The following TEX14 variants were observed in gnomAD, a reference collection of about 807,000 sequenced individuals.
TEX14 encodes the protein testis expressed 14, intercellular bridge forming factor.
In TEX14, 168 loss-of-function variants were observed where a neutral mutation model predicts 178.6. That is an observed-to-expected ratio of 0.94 (90% CI 0.83 to 1.07). The LOEUF (loss-of-function observed/expected upper bound fraction) is 1.07, where lower values mean the gene tolerates loss of function less well. Ranked by LOEUF, TEX14 falls within the 50% of genes least tolerant of loss-of-function variation. The pLI, the probability that TEX14 is intolerant of heterozygous loss-of-function variation, is 0.00. For missense variants in TEX14, 1,730 were observed against 1,753.6 expected (o/e 0.99, Z 0.24); for synonymous variants, 626 against 634.1 (o/e 0.99, Z 0.19).
At chr17:58,617,735 T>C (rs1012366536) in intron 5 of TEX14, 116 bp from the exon 6 acceptor site, 2 of 669,578 alleles carry the variant, frequency 3.0e-6, no homozygotes, top group Admixed American at 2.8e-5. Flanking sequence ...TGCTAGACTT[T>C]CTGTTACAAA....
intron 6 of TEX14, among the ~76,000 whole-genome samples, chr17:58,616,988 C>T (rs1176606527): frequency 2.0e-5 from 3 of 151,744 alleles, no homozygotes; most frequent in Admixed American, 6.6e-5. Context: ...AGTTGGCTCA[C>T]GCCTGTAATC....
At chr17:58,659,310 T>C (rs1026680444) in intron 1 of TEX14, 9 of 976,190 alleles carry the variant, frequency 9.2e-6, no homozygotes, top group Admixed American at 6.2e-5. Context: ...AGACATTATT[T>C]ACTTAATATT....
chr17:58,614,995 G>GGCTGACA (rs1046098129), intron 8 of TEX14, among the ~76,000 whole-genome samples: 1 of 152,222 alleles, frequency 6.6e-6, no homozygotes, highest in African/African-American at 2.4e-5. Context: ...GTTACAGGGC[G>GGCTGACA]GCTGACAGCT....
intron 20 of TEX14, among the ~76,000 whole-genome samples, chr17:58,578,656 A>G (rs2044736701): frequency 6.6e-6 from 1 of 152,062 alleles, no homozygotes; most frequent in South Asian, 2.1e-4. Context: ...CACTCAACTC[A>G]CCTCCACATA....
intron 3 of TEX14, among the ~76,000 whole-genome samples, chr17:58,626,895 T>G (rs973214048): frequency 6.6e-6 from 1 of 152,058 alleles, no homozygotes; most frequent in African/African-American, 2.4e-5. Flanking sequence ...TAAAGCCTCC[T>G]CCCAGAAATT....
At chr17:58,608,120 A>G (rs1386070299) in intron 10 of TEX14, among the ~76,000 whole-genome samples, 1 of 152,036 alleles carries the variant, frequency 6.6e-6, no homozygotes, top group Non-Finnish European at 1.5e-5. Context: ...TTATCTCTAT[A>G]AAAAATACAA....
At chr17:58,631,188 G>A (rs1294383254) in intron 2 of TEX14, 6 of 979,630 alleles carry the variant, frequency 6.1e-6, no homozygotes, top group Non-Finnish European at 6.1e-6. Context: ...GCCTGGAGGC[G>A]CAGTGGCTCA....
At chr17:58,584,864 A>AT (rs1453392935) in intron 18 of TEX14, among the ~76,000 whole-genome samples, 2 of 152,158 alleles carry the variant, frequency 1.3e-5, no homozygotes, top group Non-Finnish European at 2.9e-5. Context: ...AAGCCAATAG[A>AT]TTTTCTGCCT....
chr17:58,561,419 C>G, intron 29 of TEX14, 101 bp downstream of exon 29: 1 of 819,468 alleles, frequency 1.2e-6, no homozygotes, highest in Admixed American at 2.0e-5. Context: ...TTATCTAAAT[C>G]AATGTAATGC....
chr17:58,667,907 AAAAG>A (rs1372189347), intron 1 of TEX14, among the ~76,000 whole-genome samples: 2 of 152,024 alleles, frequency 1.3e-5, no homozygotes, highest in Non-Finnish European at 2.9e-5. Context: ...AAAAAAAAAA[AAAAG>A]ATTCTTTTCT....
At chr17:58,677,390 G>C (rs2047412348) in intron 1 of TEX14, among the ~76,000 whole-genome samples, 1 of 152,160 alleles carries the variant, frequency 6.6e-6, no homozygotes, top group Non-Finnish European at 1.5e-5. Flanking sequence ...GTTTATGCTG[G>C]ATTAAGGGAA....
rs780648008 is a variant in TEX14 at position 58,651,923 on chromosome 17, G to A, written c.79C>T (p.Leu27Phe). 4 of 1,613,274 alleles carry A rather than the reference G, an allele frequency of 2.5e-6. No individual in the cohort carries two copies. The highest frequency in any genetic ancestry group is 2.2e-5 in the South Asian group (2 of 90,840). The change falls in exon 2 of 32, where the codon CTT becomes TTT. Residue 27 changes from leucine to phenylalanine, a missense_variant. Leu to Phe is a conservative substitution (Grantham distance 22). Around this residue, in one of 2 missense-constraint regions of TEX14, gnomAD observed 789 missense variants for 681.2 expected, o/e 1.16. Transcript: ENST00000349033. ...TTCCCTTGTTTGACATACTCATGAAGCTGAGCTTCCAGGGAGTCATTTCTT... is the reference window on the plus strand; with the variant it reads ...TTCCCTTGTTTGACATACTCATGAAACTGAGCTTCCAGGGAGTCATTTCTT... The part of the protein sequence containing the change: ...TLRNDSLEAQ[L>F]HEYVKQGNYV...
chr17:58,660,761 C>A (rs753269500), intron 1 of TEX14: 1 of 781,288 alleles, frequency 1.3e-6, no homozygotes, highest in South Asian at 1.3e-5. Flanking sequence ...TGGTAACACT[C>A]CATGTTTCTG....
intron 30 of TEX14, among the ~76,000 whole-genome samples, chr17:58,558,346 G>C (rs1420675283): frequency 6.6e-6 from 1 of 152,208 alleles, no homozygotes; most frequent in Admixed American, 6.5e-5. Flanking sequence ...TCAGTTACTA[G>C]ACCTTAATGA....
In TEX14 at chr17:58,577,350, T is replaced by A. The variant is rs758707645; in HGVS notation, c.3320+25A>T. 52 of 1,047,486 alleles carry A rather than the reference T, an allele frequency of 5.0e-5. No homozygotes were observed. The Admixed American group carries it at 1.3e-3, about 27-fold the overall frequency. The allele number at this position is 1,047,486 out of a possible 1,614,324, so 64.9% of individuals were successfully genotyped here. On this transcript the variant is annotated intron_variant, in intron 21 of 31. Coordinates refer to ENST00000349033, the MANE Select transcript of TEX14 (RefSeq NM_031272.5). ...AACATTGCATCTATGAGTTTGAAAC[T>A]GCATAAGATAATAATAGCCCATACC...
chr17:58,589,187 C>T (rs979132453), intron 15 of TEX14, among the ~76,000 whole-genome samples: 7 of 151,784 alleles, frequency 4.6e-5, no homozygotes, highest in Non-Finnish European at 7.4e-5. Flanking sequence ...TGCTTGAACC[C>T]GGGAGGCGGA....
chr17:58,623,079 A>G (rs1402823526), intron 3 of TEX14, 67 bp from the exon 4 acceptor site: 13 of 1,457,004 alleles, frequency 8.9e-6, no homozygotes, highest in Non-Finnish European at 9.4e-6. Flanking sequence ...AGCGGGGCTC[A>G]GCGTGCAACA....
intron 5 of TEX14, among the ~76,000 whole-genome samples, chr17:58,620,619 G>A (rs1313939524): frequency 6.6e-6 from 1 of 151,958 alleles, no homozygotes; most frequent in African/African-American, 2.4e-5. Context: ...TCAGCCTCCT[G>A]AGTAGCTGGG....
chr17:58,617,229 C>A (rs527382614), intron 6 of TEX14, among the ~76,000 whole-genome samples: 1 of 152,198 alleles, frequency 6.6e-6, no homozygotes, highest in East Asian at 1.9e-4. Flanking sequence ...CCAGCCTGGG[C>A]AACAGAGCCA....
Sources: allele counts gnomAD v4.1 joint callset (sites outside exome capture counted in the v4.1 genomes callset), GRCh38; gene constraint gnomAD v4.1.1; regional missense constraint gnomAD v4.1.1; transcripts MANE v1.5; gene names NCBI Gene and HGNC (gene_info 2026-07-23, HGNC 2026-07-21).